The following ROR1 variants were observed in gnomAD, a reference collection of about 807,000 sequenced individuals.
ROR1 encodes the protein inactive tyrosine-protein kinase transmembrane receptor ROR1.
In ROR1, 19 loss-of-function variants were observed where a neutral mutation model predicts 78.8. The ratio of observed to expected loss-of-function variants is 0.24; its 90% CI spans 0.17 to 0.35. The LOEUF is 0.35. ROR1 is among the 10% of genes least tolerant of loss of function. The probability of loss-of-function intolerance (pLI) is 1.00; values close to 1 mark genes in which losing one functional copy is unlikely to be tolerated. For missense variants in ROR1, 917 were observed against 1,177.8 expected, an observed-to-expected ratio of 0.78 and a Z score of 3.24; for synonymous variants, 386 against 433.6, an observed-to-expected ratio of 0.89 and a Z score of 1.36.
chr1:64,130,844 G>A (rs1648888973), intron 4 of ROR1, among the ~76,000 whole-genome samples: 1 of 152,122 alleles, frequency 6.6e-6, no homozygotes, highest in African/African-American at 2.4e-5. Context: ...ATTTTACCTT[G>A]AGAGATCTGT....
intron 4 of ROR1, among the ~76,000 whole-genome samples, chr1:64,136,121 C>T (rs1455116348): frequency 6.6e-6 from 1 of 152,120 alleles, no homozygotes; most frequent in Non-Finnish European, 1.5e-5. Flanking sequence ...CATATATTAT[C>T]TCTACAATTT....
At chr1:64,026,171 C>T (rs1324243631) in intron 2 of ROR1, among the ~76,000 whole-genome samples, 4 of 152,108 alleles carry the variant, frequency 2.6e-5, no homozygotes, top group African/African-American at 4.8e-5. Context: ...GTGTTTTATT[C>T]CCTCTTCTGC....
At position 64,012,238 on chromosome 1, in the gene ROR1, C is replaced by A. The variant is rs114677918; in HGVS notation, c.163+2862C>A. The stretch of plus-strand genomic sequence containing the variant: ...GGAGCCACAGGAAACAAACTCCCTG[C>A]GTTAGGATATGAATGAAGAATGACT... On this transcript the variant is annotated intron_variant, in intron 2 of 8. Transcript: ENST00000371079. Among the ~76,000 whole-genome samples the A allele has an allele frequency of 8.4e-3, 1,280 of 152,214 alleles. 9 individuals carry two copies. Among genetic ancestry groups the A allele is most frequent in the Non-Finnish European group, 0.013 (889 of 68,016 alleles).
Position 64,174,516 on chromosome 1 carries a change from G to C in ROR1, c.1387-2912G>C, listed in dbSNP as rs1390630650. Among the ~76,000 whole-genome samples, 3 of 152,122 alleles carry C rather than the reference G, an allele frequency of 2.0e-5. No homozygotes were observed. The East Asian group carries it at 5.8e-4, about 29-fold the overall frequency. On this transcript the variant is annotated intron_variant, in intron 8 of 8. Transcript: ENST00000371079. Reference sequence around the variant, plus strand: ...AAGCAGTGAAGGAGGAGAGGGTATTGGGTTTCTAACTCCTCATTATACCAG... The same window carrying C: ...AAGCAGTGAAGGAGGAGAGGGTATTCGGTTTCTAACTCCTCATTATACCAG...
chr1:63,846,954 G>C (rs1206704299), intron 1 of ROR1, among the ~76,000 whole-genome samples: 1 of 152,162 alleles, frequency 6.6e-6, no homozygotes, highest in South Asian at 2.1e-4. Flanking sequence ...GGATTTGGCT[G>C]GTTACAAGAG....
chr1:64,003,837 A>G (rs1646406937), intron 1 of ROR1, among the ~76,000 whole-genome samples: 1 of 152,256 alleles, frequency 6.6e-6, no homozygotes, highest in Non-Finnish European at 1.5e-5. Context: ...AAACAGGGCT[A>G]AAAGCCTTCA....
intron 1 of ROR1, among the ~76,000 whole-genome samples, chr1:63,876,809 C>T (rs1381270536): frequency 6.6e-6 from 1 of 151,660 alleles, no homozygotes; most frequent in Non-Finnish European, 1.5e-5. Flanking sequence ...CACTACACAG[C>T]CTCATCCCCT....
chr1:64,072,643 C>T (rs113613026), intron 4 of ROR1, among the ~76,000 whole-genome samples: 7 of 152,222 alleles, frequency 4.6e-5, no homozygotes, highest in Non-Finnish European at 8.8e-5. Flanking sequence ...TAATACATGA[C>T]GTCATCCTAG....
At chr1:64,057,420 A>AGAAAC (rs1367386908) in intron 4 of ROR1, among the ~76,000 whole-genome samples, 1 of 152,214 alleles carries the variant, frequency 6.6e-6, no homozygotes, top group Admixed American at 6.5e-5. Flanking sequence ...ATTCCACTGG[A>AGAAAC]GAAACAAAAC....
chr1:64,168,657 C>T (rs1004150334), intron 8 of ROR1, among the ~76,000 whole-genome samples: 5 of 152,192 alleles, frequency 3.3e-5, no homozygotes, highest in African/African-American at 9.6e-5. Context: ...GCTATGACTA[C>T]AAGTAGTCAT....
chr1:63,836,180 C>T (rs77863273), intron 1 of ROR1, among the ~76,000 whole-genome samples: 1 of 152,176 alleles, frequency 6.6e-6, no homozygotes, highest in Admixed American at 6.5e-5. Flanking sequence ...ACTTGACATA[C>T]AAAGTCAGGA....
chr1:64,035,557 C>T (rs1031324139), intron 2 of ROR1, among the ~76,000 whole-genome samples: 3 of 79,652 alleles, frequency 3.8e-5, no homozygotes, highest in Admixed American at 1.6e-4. Context: ...GCCCAGGTTA[C>T]GCCAGAGTCT....
chr1:64,123,223 T>G lies in ROR1; in HGVS notation c.483-14146T>G, dbSNP rs564975167. On this transcript the variant is annotated intron_variant, in intron 4 of 8. Transcript: ENST00000371079. ...GGTTAATAGGCTACCTCTATGTCTCTGCAAATATTCCAAGCATAGTTTGGT... is the reference window on the plus strand; with the variant it reads ...GGTTAATAGGCTACCTCTATGTCTCGGCAAATATTCCAAGCATAGTTTGGT... Among the ~76,000 whole-genome samples, 5 of 152,350 alleles carry G rather than the reference T, an allele frequency of 3.3e-5. No individual in the cohort carries two copies. The South Asian group carries it at 1.0e-3, about 32-fold the overall frequency.
At chr1:63,846,481 G>A (rs631029) in intron 1 of ROR1, among the ~76,000 whole-genome samples, 25,484 of 150,902 alleles carry the variant, frequency 0.17, 4,550 homozygotes, top group African/African-American at 0.46. Flanking sequence ...GAAGATTTCC[G>A]TGTTGGCAAG....
At chr1:63,929,837 A>G (rs1231062736) in intron 1 of ROR1, among the ~76,000 whole-genome samples, 1 of 152,178 alleles carries the variant, frequency 6.6e-6, no homozygotes, top group Non-Finnish European at 1.5e-5. Flanking sequence ...TGAAGAGACT[A>G]GAGGCACAAG....
intron 4 of ROR1, among the ~76,000 whole-genome samples, chr1:64,134,538 C>T (rs1649034872): frequency 6.6e-6 from 1 of 152,110 alleles, no homozygotes; most frequent in Admixed American, 6.5e-5. Flanking sequence ...GAAGAAAGCA[C>T]CTAACACAGT....
intron 2 of ROR1, among the ~76,000 whole-genome samples, chr1:64,033,223 C>T (rs1451258189): frequency 6.6e-6 from 1 of 152,178 alleles, no homozygotes. Context: ...AACAGGATAT[C>T]GTATTCTAAA....
At chr1:63,796,952 A>G (rs138643392) in intron 1 of ROR1, among the ~76,000 whole-genome samples, 13 of 152,198 alleles carry the variant, frequency 8.5e-5, no homozygotes, top group African/African-American at 2.7e-4. Flanking sequence ...TCAAGCATAT[A>G]TGAAAGTGCT....
At chr1:63,898,343 C>T (rs756275393) in intron 1 of ROR1, among the ~76,000 whole-genome samples, 22 of 149,760 alleles carry the variant, frequency 1.5e-4, no homozygotes, top group South Asian at 2.1e-4. Context: ...TGTTGGATGT[C>T]GGGCACCATA....
Sources: gnomAD v4.1 joint callset for allele counts (sites outside exome capture counted in the v4.1 genomes callset) on GRCh38, gnomAD v4.1.1 for gene constraint, MANE v1.5 for transcripts, NCBI Gene and HGNC (gene_info 2026-07-23, HGNC 2026-07-21) for gene names.